The following ICMT variants were observed in gnomAD, a reference collection of about 807,000 sequenced individuals.
ICMT encodes isoprenylcysteine carboxyl methyltransferase.
A neutral mutation model predicts 32.2 loss-of-function variants in ICMT; 10 were observed. The observed-to-expected ratio is 0.31, with a 90% CI of 0.19 to 0.53. ICMT has a LOEUF of 0.53. Ranked by LOEUF, ICMT falls within the 20% of genes least tolerant of loss-of-function variation. The pLI is 0.96. For synonymous variants in ICMT, 183 were observed against 158.2 expected, an observed-to-expected ratio of 1.16 and a Z score of -1.18; for missense variants, 265 against 356.9, an observed-to-expected ratio of 0.74 and a Z score of 2.07.
rs1050049528 is a variant in ICMT at position 6,234,222 on chromosome 1, G to A, written c.285-579C>T. Among the ~76,000 whole-genome samples the A allele has an allele frequency of 3.9e-5, 6 of 152,308 alleles. No individual in the cohort carries two copies. The South Asian group carries it at 1.0e-3, about 26-fold the overall frequency. On this transcript the variant is annotated intron_variant, in intron 2 of 4. Coordinates refer to ENST00000343813, the MANE Select transcript of ICMT (RefSeq NM_012405.4). ...AGGCAAAACAAACCCATAGGTCACA[G>A]AGGCATTATGGGCCCTTCTGTCCGT...
Position 6,235,873 on chromosome 1 carries a change from C to G in ICMT, c.39G>C (p.Glu13Asp). Residue 13 changes from glutamate to aspartate, a missense_variant, in exon 1 of 5, where the codon GAG becomes GAC. Physicochemically the swap from Glu to Asp is conservative, Grantham distance 45 (BLOSUM62 2). Coordinates refer to ENST00000343813, the MANE Select transcript of ICMT (RefSeq NM_012405.4). ...GCAARAPPGS[E>D]ARLSLATFLL... The stretch of plus-strand genomic sequence containing the variant: ...GGAAGGTGGCGAGGCTGAGACGCGC[C>G]TCAGAGCCCGGCGGAGCCCGCGCCG... The G allele has an allele frequency of 2.5e-6, 3 of 1,177,198 alleles. No individual in the cohort carries two copies. Among genetic ancestry groups the G allele is most frequent in the Non-Finnish European group, 3.2e-6 (3 of 952,236 alleles). 72.9% of individuals were successfully genotyped at this position (1,177,198 alleles called of 1,614,324 possible).
Position 6,224,568 on chromosome 1 carries a change from AT to A in ICMT, c.*511del, listed in dbSNP as rs1668611958. The A allele has an allele frequency of 1.3e-5, 2 of 152,702 alleles. No homozygotes were observed. The highest frequency in any genetic ancestry group is 4.8e-5 in the African/African-American group (2 of 41,482). The allele number at this position is 152,702 out of a possible 1,614,324, so 9.5% of individuals were successfully genotyped here. A position where few individuals can be genotyped will look rare whatever the true frequency, so the allele number is the denominator to read the frequency against. ...CATCCTATGAGGAAGTATTTTTAAA[AT>A]TGTATAGATGTTCATGCAGTGGGGG... is the stretch of plus-strand genomic sequence containing the variant. On this transcript the variant is annotated 3_prime_UTR_variant, in exon 5 of 5. Coordinates refer to ENST00000343813, the MANE Select transcript of ICMT (RefSeq NM_012405.4).
At chr1:6,231,187 GAAAGA>G (rs1668730752) in intron 4 of ICMT, among the ~76,000 whole-genome samples, 2 of 149,814 alleles carry the variant, frequency 1.3e-5, no homozygotes, top group Middle Eastern at 3.4e-3. Context: ...AAAAAAGAAA[GAAAGA>G]AAAGAAAAGA....
At chr1:6,228,361 G>A (rs1215489789) in intron 4 of ICMT, among the ~76,000 whole-genome samples, 1 of 140,306 alleles carries the variant, frequency 7.1e-6, no homozygotes, top group Non-Finnish European at 1.6e-5. Flanking sequence ...TTTTTTTTTT[G>A]AGATGGAGTC....
chr1:6,235,094 GA>G lies in ICMT; in HGVS notation c.196-121del. On this transcript the variant is annotated intron_variant, in intron 1 of 4. Transcript: ENST00000343813. ...CAGATAGAGCCGATTTGCTGAGGTT[GA>G]AAGGGAGAAGTGGGCGACCTGGGTT... is the stretch of plus-strand genomic sequence containing the variant. 4.0e-6 allele frequency: 3 copies of G among 752,656 alleles called. No homozygotes were observed. The East Asian group carries it at 8.1e-5, about 20-fold the overall frequency. The allele number at this position is 752,656 out of a possible 1,614,324, so 46.6% of individuals were successfully genotyped here.
intron 4 of ICMT, among the ~76,000 whole-genome samples, chr1:6,227,564 G>T (rs998346132): frequency 6.6e-6 from 1 of 152,186 alleles, no homozygotes; most frequent in Non-Finnish European, 1.5e-5. Flanking sequence ...ACAGTTTCAA[G>T]AAATAAGGCG....
intron 2 of ICMT, chr1:6,234,568 G>C: frequency 2.1e-6 from 1 of 487,526 alleles, no homozygotes; most frequent in Non-Finnish European, 4.0e-6. Context: ...CCCTGCCCCT[G>C]CCCGCCACCG....
At position 6,235,941 on chromosome 1, in the gene ICMT, G is replaced by GCGC. The variant is rs1668822534; in HGVS notation, c.-33_-31dup. The GCGC allele has an allele frequency of 3.7e-6, 4 of 1,081,914 alleles. No individual in the cohort carries two copies. The highest frequency in any genetic ancestry group is 5.1e-5 in the Admixed American group (1 of 19,578). 67.0% of individuals were successfully genotyped at this position (1,081,914 alleles called of 1,614,324 possible). A position where few individuals can be genotyped will look rare whatever the true frequency, so the allele number is the denominator to read the frequency against. On this transcript the variant is annotated 5_prime_UTR_variant, in exon 1 of 5. Coordinates refer to ENST00000343813, the MANE Select transcript of ICMT (RefSeq NM_012405.4). The stretch of plus-strand genomic sequence containing the variant: ...CCGGGCGGCGGACTAGCGGGCGGCG[G>GCGC]CGCCGGCTGTAGCCCGGAGAAACGC...
intron 2 of ICMT, among the ~76,000 whole-genome samples, chr1:6,234,155 G>A (rs905013141): frequency 2.0e-5 from 3 of 152,162 alleles, no homozygotes; most frequent in South Asian, 2.1e-4. Context: ...GATTACAGGC[G>A]TGAGCCACCG....
chr1:6,228,554 G>A (rs1486778228), intron 4 of ICMT, among the ~76,000 whole-genome samples: 1 of 151,856 alleles, frequency 6.6e-6, no homozygotes, highest in East Asian at 2.0e-4. Flanking sequence ...GTGTTAGCCA[G>A]GATGGTCTTG....
In ICMT at chr1:6,225,102, T is replaced by A; in HGVS notation, c.833A>T (p.Lys278Met). The change falls in exon 5 of 5, where the codon AAG becomes ATG. Residue 278 changes from lysine (K) to methionine (M), a missense_variant. By Grantham distance (95) the Lys-to-Met change is moderately conservative. Transcript: ENST00000343813. Reference protein sequence around the residue: ...KRVPTGLPFIKGVKVDL With the variant: ...KRVPTGLPFIMGVKVDL Reference sequence around the variant, plus strand: ...CCGTCACAGGTCCACCTTGACCCCCTTTATGAAAGGCAGGCCCGTGGGCAC... The same window carrying A: ...CCGTCACAGGTCCACCTTGACCCCCATTATGAAAGGCAGGCCCGTGGGCAC... The A allele has an allele frequency of 6.2e-7, 1 of 1,613,720 alleles. No individual in the cohort carries two copies. The highest frequency in any genetic ancestry group is 8.5e-7 in the Non-Finnish European group (1 of 1,179,740).
Position 6,223,113 on chromosome 1 carries a change from G to A in ICMT, c.*1967C>T, listed in dbSNP as rs1320689254. On this transcript the variant is annotated 3_prime_UTR_variant, in exon 5 of 5. Transcript: ENST00000343813. ...AGTCCGTCCGGTTTTTTTTGTTGTT[G>A]TTGTTGTTTTTTGAGATGGAGTCTC... is the stretch of plus-strand genomic sequence containing the variant. 2.0e-5 allele frequency: 3 copies of A among 152,164 alleles called. No homozygotes were observed. Among genetic ancestry groups the A allele is most frequent in the South Asian group, 2.1e-4 (1 of 4,824 alleles). 9.4% of individuals were successfully genotyped at this position (152,164 alleles called of 1,614,324 possible). A position where few individuals can be genotyped will look rare whatever the true frequency, so the allele number is the denominator to read the frequency against.
intron 4 of ICMT, among the ~76,000 whole-genome samples, chr1:6,231,196 G>A (rs898449298): frequency 6.6e-6 from 1 of 151,520 alleles, no homozygotes; most frequent in African/African-American, 2.4e-5. Context: ...AGAAAGAAAA[G>A]AAAAGAAACG....
At chr1:6,233,934 C>T (rs1311654837) in intron 2 of ICMT, among the ~76,000 whole-genome samples, 3 of 152,156 alleles carry the variant, frequency 2.0e-5, no homozygotes, top group Admixed American at 6.6e-5. Context: ...CTGCAACCTC[C>T]GCCTCCCAGG....
At chr1:6,230,586 TAAA>T (rs34068915) in intron 4 of ICMT, among the ~76,000 whole-genome samples, 4,445 of 104,258 alleles carry the variant, frequency 0.043, 75 homozygotes, top group Middle Eastern at 0.063. Flanking sequence ...ATCCTGTCTT[TAAA>T]AAAAAAAAAA....
intron 4 of ICMT, among the ~76,000 whole-genome samples, chr1:6,225,624 T>C (rs1228859204): frequency 2.0e-5 from 3 of 151,780 alleles, no homozygotes; most frequent in African/African-American, 7.3e-5. Context: ...ACAAATGCAT[T>C]CGCTTACACC....
chr1:6,227,602 T>C (rs1668664114), intron 4 of ICMT, among the ~76,000 whole-genome samples: 1 of 152,230 alleles, frequency 6.6e-6, no homozygotes, highest in South Asian at 2.1e-4. Flanking sequence ...ACGCCTGTAA[T>C]CCCAGCACTT....
At chr1:6,232,231 C>G in intron 3 of ICMT, 112 bp from the exon 4 acceptor site, 1 of 708,604 alleles carries the variant, frequency 1.4e-6, no homozygotes, top group Non-Finnish European at 2.3e-6. Context: ...AGAAAATGTG[C>G]TGCTGGGCAA....
chr1:6,232,395 G>A (rs137906974), intron 3 of ICMT, among the ~76,000 whole-genome samples: 9 of 152,282 alleles, frequency 5.9e-5, no homozygotes, highest in East Asian at 5.8e-4. Flanking sequence ...TCTGGTTCAC[G>A]ACCCCCGGCC....
Sources: gnomAD v4.1 joint callset for allele counts (sites outside exome capture counted in the v4.1 genomes callset) on GRCh38, gnomAD v4.1.1 for gene constraint, MANE v1.5 for transcripts, NCBI Gene and HGNC (gene_info 2026-07-23, HGNC 2026-07-21) for gene names.